Variants in GPC5 observed in about 807,000 individuals in gnomAD.
The protein encoded by GPC5 is glypican-5.
Under a neutral mutation model 53.9 loss-of-function variants are expected in GPC5, and 47 were observed. The ratio of observed to expected loss-of-function variants is 0.87; its 90% CI spans 0.69 to 1.11. GPC5 has a LOEUF of 1.11. Ranked by LOEUF, GPC5 falls within the 50% of genes most tolerant of loss-of-function variation. The pLI is 0.00. For synonymous variants in GPC5, 286 were observed against 263.3 expected, an observed-to-expected ratio of 1.09 and a Z score of -0.84; for missense variants, 748 against 713.1, an observed-to-expected ratio of 1.05 and a Z score of -0.56.
intron 6 of GPC5, among the ~76,000 whole-genome samples, chr13:92,108,209 C>G (rs1370971758): frequency 6.6e-6 from 1 of 152,086 alleles, no homozygotes; most frequent in African/African-American, 2.4e-5. Context: ...AATAATTATA[C>G]ATAGCAGTAA....
At chr13:92,210,393 C>A (rs2139073547) in intron 7 of GPC5, among the ~76,000 whole-genome samples, 1 of 152,002 alleles carries the variant, frequency 6.6e-6, no homozygotes, top group Non-Finnish European at 1.5e-5. Flanking sequence ...TTTGACAATT[C>A]TTCTTGAGAA....
rs142444792 is a variant in GPC5 at position 92,322,995 on chromosome 13, G to C, written c.1561+178006G>C. Among the ~76,000 whole-genome samples, 1,174 of 151,940 alleles carry C rather than the reference G, an allele frequency of 7.7e-3. 11 individuals are homozygous for C. Among genetic ancestry groups the C allele is most frequent in the Middle Eastern group, 0.068 (20 of 294 alleles). On this transcript the variant is annotated intron_variant, in intron 7 of 7. Coordinates refer to ENST00000377067, the MANE Select transcript of GPC5 (RefSeq NM_004466.6). Reference sequence around the variant, plus strand: ...AAGGCAAGGAAATTTATGAACTACAGAAAAGGAGAAATTCAATCTTACTAT... The same window carrying C: ...AAGGCAAGGAAATTTATGAACTACACAAAAGGAGAAATTCAATCTTACTAT...
chr13:92,700,359 C>T, intron 7 of GPC5, among the ~76,000 whole-genome samples: 1 of 149,932 alleles, frequency 6.7e-6, no homozygotes, highest in East Asian at 2.0e-4. Flanking sequence ...GGGTCTCCTG[C>T]ATACAGCACT....
intron 4 of GPC5, among the ~76,000 whole-genome samples, chr13:91,743,239 T>TA (rs1441854176): frequency 1.3e-5 from 2 of 152,154 alleles, no homozygotes; most frequent in Admixed American, 1.3e-4. Context: ...CTCCTGTTGT[T>TA]ACAATTTTTT....
At chr13:91,931,047 C>T (rs2139031643) in intron 6 of GPC5, among the ~76,000 whole-genome samples, 1 of 152,168 alleles carries the variant, frequency 6.6e-6, no homozygotes, top group Non-Finnish European at 1.5e-5. Flanking sequence ...TTCAATTACA[C>T]ATTTTCATCC....
chr13:92,494,044 ATTAC>A (rs1879867370), intron 7 of GPC5, among the ~76,000 whole-genome samples: 1 of 103,084 alleles, frequency 9.7e-6, no homozygotes, highest in Admixed American at 1.1e-4. Context: ...CATTAAAAGA[ATTAC>A]TTTGTGTTTT....
In GPC5 at chr13:92,442,368, A is replaced by T. The variant is rs145312299; in HGVS notation, c.1561+297379A>T. On this transcript the variant is annotated intron_variant, in intron 7 of 7. Transcript: ENST00000377067. The stretch of plus-strand genomic sequence containing the variant: ...TTGAGTGGATACAAAAATATAATGT[A>T]GACTCATTACACAGACACTTATTTA... 4.2e-3 allele frequency among the ~76,000 whole-genome samples: 639 copies of T among 152,310 alleles called. 3 individuals carry two copies. Among genetic ancestry groups the T allele is most frequent in the African/African-American group, 0.015 (619 of 41,574 alleles).
At chr13:91,916,345 T>A (rs1019144923) in intron 6 of GPC5, among the ~76,000 whole-genome samples, 25 of 152,314 alleles carry the variant, frequency 1.6e-4, no homozygotes, top group African/African-American at 5.5e-4. Context: ...ACATGATTGT[T>A]CATAGCAATG....
chr13:92,088,052 G>A (rs1481867025), intron 6 of GPC5, among the ~76,000 whole-genome samples: 1 of 151,816 alleles, frequency 6.6e-6, no homozygotes, highest in African/African-American at 2.4e-5. Context: ...TTACAGGTGT[G>A]AGCCACCACA....
At chr13:91,974,811 A>G (rs572149196) in intron 6 of GPC5, among the ~76,000 whole-genome samples, 1 of 152,292 alleles carries the variant, frequency 6.6e-6, no homozygotes, top group South Asian at 2.1e-4. Context: ...CACAATGCCA[A>G]GACAATCCTA....
intron 7 of GPC5, among the ~76,000 whole-genome samples, chr13:92,520,024 T>C (rs1880970330): frequency 1.3e-5 from 2 of 151,848 alleles, no homozygotes; most frequent in South Asian, 4.1e-4. Flanking sequence ...AACTAGAAAA[T>C]GTAGAAGAAA....
chr13:91,904,470 G>T (rs1409214394), intron 5 of GPC5, among the ~76,000 whole-genome samples: 1 of 151,866 alleles, frequency 6.6e-6, no homozygotes, highest in African/African-American at 2.4e-5. Flanking sequence ...TTTCTTAGTC[G>T]GTTTCAGGAT....
At chr13:91,526,687 G>A (rs1886101046) in intron 2 of GPC5, among the ~76,000 whole-genome samples, 2 of 152,078 alleles carry the variant, frequency 1.3e-5, no homozygotes, top group South Asian at 2.1e-4. Context: ...TTTGCTTGAC[G>A]CTTGTATTAG....
chr13:92,838,922 T>C (rs1878321513), intron 7 of GPC5, among the ~76,000 whole-genome samples: 1 of 152,212 alleles, frequency 6.6e-6, no homozygotes, highest in Non-Finnish European at 1.5e-5. Flanking sequence ...GCTTATACTT[T>C]AAACTCAGCA....
intron 7 of GPC5, among the ~76,000 whole-genome samples, chr13:92,529,680 A>C (rs1223473170): frequency 3.9e-5 from 6 of 152,198 alleles, no homozygotes; most frequent in Non-Finnish European, 5.9e-5. Context: ...TTCCTAAACT[A>C]TATAAGAAAA....
At chr13:92,152,738 C>CA (rs11285676) in intron 7 of GPC5, among the ~76,000 whole-genome samples, 1,526 of 106,926 alleles carry the variant, frequency 0.014, 13 homozygotes, top group Middle Eastern at 0.034. Flanking sequence ...GACTCCATCT[C>CA]AAAAAAAAAA....
At chr13:91,617,667 C>T (rs1358724135) in intron 2 of GPC5, among the ~76,000 whole-genome samples, 4 of 152,004 alleles carry the variant, frequency 2.6e-5, no homozygotes, top group Admixed American at 2.6e-4. Flanking sequence ...TCCCTCCTTC[C>T]TTCCATTCCT....
intron 7 of GPC5, among the ~76,000 whole-genome samples, chr13:92,475,988 G>A (rs1009099611): frequency 1.3e-5 from 2 of 151,946 alleles, no homozygotes; most frequent in Non-Finnish European, 1.5e-5. Context: ...CATGGGCAAG[G>A]ACTTCATGTC....
chr13:91,995,550 A>G (rs2040495968), intron 6 of GPC5: 1 of 152,190 alleles, frequency 6.6e-6, no homozygotes, highest in Non-Finnish European at 1.5e-5. Flanking sequence ...AAATAATAGC[A>G]CTTTACCCAC....
Sources: allele counts gnomAD v4.1 joint callset (sites outside exome capture counted in the v4.1 genomes callset), GRCh38; gene constraint gnomAD v4.1.1; transcripts MANE v1.5; gene names NCBI Gene and HGNC (gene_info 2026-07-23, HGNC 2026-07-21).